The following RASA3 variants were observed in gnomAD, a reference collection of about 807,000 sequenced individuals.
RASA3 encodes the protein ras GTPase-activating protein 3.
A neutral mutation model predicts 110.0 loss-of-function variants in RASA3; 73 were observed. That is an observed-to-expected ratio of 0.66 (90% CI 0.55 to 0.81). The LOEUF is 0.81. Among genes scored for constraint, RASA3 ranks in the 30% least tolerant of loss-of-function variants. The pLI is 0.00. For missense variants in RASA3, 976 were observed against 1,113.2 expected (o/e 0.88, Z 1.75); for synonymous variants, 500 against 451.4 (o/e 1.11, Z -1.37).
In RASA3 at chr13:113,978,436, G is replaced by C. The variant is rs1269176874; in HGVS notation, c.*911C>G. 6.6e-6 allele frequency: 1 copy of C among 152,170 alleles called. No homozygotes were observed. The highest frequency in any genetic ancestry group is 2.4e-5 in the African/African-American group (1 of 41,438). The allele number at this position is 152,170 out of a possible 1,614,324, so 9.4% of individuals were successfully genotyped here. On this transcript the variant is annotated 3_prime_UTR_variant, in exon 24 of 24. Coordinates refer to ENST00000334062, the MANE Select transcript of RASA3 (RefSeq NM_007368.4). ...TAGTGGGTATAGGTTTTGACGTTCTGAGTTACTTTGTATCAAAGAGCTAAT... is the reference window on the plus strand; with the variant it reads ...TAGTGGGTATAGGTTTTGACGTTCTCAGTTACTTTGTATCAAAGAGCTAAT...
At chr13:114,000,405 C>T (rs942655801) in intron 19 of RASA3, among the ~76,000 whole-genome samples, 5 of 152,154 alleles carry the variant, frequency 3.3e-5, no homozygotes, top group Admixed American at 6.5e-5. Context: ...GGGACATGAA[C>T]ATGGGAGAAA....
At chr13:114,031,762 C>T (rs998230918) in intron 4 of RASA3, among the ~76,000 whole-genome samples, 2 of 152,206 alleles carry the variant, frequency 1.3e-5, no homozygotes, top group Non-Finnish European at 2.9e-5. Flanking sequence ...CTGCCTGGCC[C>T]GGCCCTTAGC....
At chr13:113,980,400 C>G (rs149787372) in intron 23 of RASA3, among the ~76,000 whole-genome samples, 27 of 139,628 alleles carry the variant, frequency 1.9e-4, no homozygotes, top group African/African-American at 6.1e-4. Flanking sequence ...CACGTGTGCA[C>G]CACCTCCTCC....
rs192029127 is a variant in RASA3, at chr13:114,044,515, C to G, written c.278-3421G>C. Reference sequence around the variant, plus strand: ...CCCCGCCTCACTCGCTGAGCTCCCCCGCCGCCTCACTCGCTGAGCCCCCCG... The same window carrying G: ...CCCCGCCTCACTCGCTGAGCTCCCCGGCCGCCTCACTCGCTGAGCCCCCCG... On this transcript the variant is annotated intron_variant, in intron 3 of 23. Transcript: ENST00000334062. Among the ~76,000 whole-genome samples the G allele has an allele frequency of 3.4e-3, 46 of 13,646 alleles. 7 individuals carry two copies. The highest frequency in any genetic ancestry group is 0.011 in the African/African-American group (30 of 2,658). 9.0% of individuals were successfully genotyped at this position (13,646 alleles called of 152,430 possible).
At chr13:114,002,829 C>T (rs1594301881) in intron 18 of RASA3, among the ~76,000 whole-genome samples, 1 of 152,298 alleles carries the variant, frequency 6.6e-6, no homozygotes, top group Admixed American at 6.5e-5. Flanking sequence ...GAGGCAGGAG[C>T]CACGGCTAAG....
chr13:114,001,068 C>T (rs926462170), intron 18 of RASA3, 136 bp from the exon 19 acceptor site: 28 of 644,622 alleles, frequency 4.3e-5, no homozygotes, highest in Non-Finnish European at 6.1e-5. Context: ...CATTTTACTC[C>T]GAGTGATGAG....
intron 3 of RASA3, among the ~76,000 whole-genome samples, chr13:114,045,644 C>T (rs2079041825): frequency 6.6e-6 from 1 of 152,186 alleles, no homozygotes; most frequent in Admixed American, 6.5e-5. Flanking sequence ...AAAAAATCTA[C>T]AGGCAAAGCT....
intron 2 of RASA3, among the ~76,000 whole-genome samples, chr13:114,070,639 C>T (rs1041030364): frequency 3.3e-5 from 5 of 150,958 alleles, no homozygotes; most frequent in South Asian, 2.1e-4. Flanking sequence ...GGGCTGCCGG[C>T]GTCCACGCTA....
intron 1 of RASA3, among the ~76,000 whole-genome samples, chr13:114,088,091 A>T (rs2079844446): frequency 1.3e-5 from 2 of 151,656 alleles, no homozygotes; most frequent in Non-Finnish European, 2.9e-5. Context: ...TGATCACACC[A>T]CTGCACTCCA....
At chr13:114,058,337 G>T (rs1047562902) in intron 2 of RASA3, among the ~76,000 whole-genome samples, 1 of 152,152 alleles carries the variant, frequency 6.6e-6, no homozygotes, top group Non-Finnish European at 1.5e-5. Flanking sequence ...TTCCTCGGGC[G>T]TGAGGCTCAC....
chr13:114,077,822 G>A (rs917537105), intron 1 of RASA3: 1 of 983,800 alleles, frequency 1.0e-6, no homozygotes, highest in Non-Finnish European at 1.2e-6. Flanking sequence ...CTTGCTCACT[G>A]TCATCTGGGG....
intron 13 of RASA3, 54 bp downstream of exon 13, chr13:114,016,143 C>T: frequency 6.7e-7 from 1 of 1,485,072 alleles, no homozygotes; most frequent in Non-Finnish European, 9.4e-7. Flanking sequence ...CAGCCATCGG[C>T]TGAAAAACCC....
intron 3 of RASA3, among the ~76,000 whole-genome samples, chr13:114,043,432 C>T (rs1291335157): frequency 6.6e-6 from 1 of 152,166 alleles, no homozygotes; most frequent in East Asian, 1.9e-4. Context: ...CTGGGAACAG[C>T]CCTGGAAAAA....
intron 1 of RASA3, among the ~76,000 whole-genome samples, chr13:114,091,608 T>C (rs1364808427): frequency 6.6e-6 from 1 of 151,642 alleles, no homozygotes; most frequent in African/African-American, 2.4e-5. Flanking sequence ...TGGCATCTGC[T>C]TGCTGGTGTC....
At chr13:114,010,340 G>T (rs2297103) in intron 16 of RASA3, among the ~76,000 whole-genome samples, 43,032 of 151,650 alleles carry the variant, frequency 0.28, 6,351 homozygotes, top group East Asian at 0.4. Flanking sequence ...CCCCGAGGGG[G>T]CCCGAAGGCA....
chr13:114,097,064 C>A (rs1449486407), intron 1 of RASA3, among the ~76,000 whole-genome samples: 1 of 152,200 alleles, frequency 6.6e-6, no homozygotes, highest in Non-Finnish European at 1.5e-5. Context: ...ACAGTTGTCA[C>A]TGAGGCTGTG....
At chr13:114,060,971 G>GC (rs770366920) in intron 2 of RASA3, among the ~76,000 whole-genome samples, 5 of 90,900 alleles carry the variant, frequency 5.5e-5, no homozygotes, top group African/African-American at 2.2e-4. Flanking sequence ...GGCAGATGGA[G>GC]CCCCCCACAG....
At chr13:114,101,730 T>A (rs956837302) in intron 1 of RASA3, among the ~76,000 whole-genome samples, 6 of 152,142 alleles carry the variant, frequency 3.9e-5, no homozygotes, top group African/African-American at 1.4e-4. Context: ...TCTAAGTGTC[T>A]CCCTTAACTG....
At chr13:114,027,523 G>T in intron 6 of RASA3, 62 bp from the exon 7 acceptor site, 3 of 1,306,342 alleles carry the variant, frequency 2.3e-6, no homozygotes, top group Non-Finnish European at 3.3e-6. Flanking sequence ...GTCTCTCAGT[G>T]GTAAAACCGA....
Sources: gnomAD v4.1 joint callset for allele counts (sites outside exome capture counted in the v4.1 genomes callset) on GRCh38, gnomAD v4.1.1 for gene constraint, MANE v1.5 for transcripts, NCBI Gene and HGNC (gene_info 2026-07-23, HGNC 2026-07-21) for gene names.